The following TSPAN18 variants were observed in gnomAD, a reference collection of about 807,000 sequenced individuals.
TSPAN18 encodes tetraspanin 18.
In TSPAN18, 14 loss-of-function variants were observed where a neutral mutation model predicts 27.3. That is an observed-to-expected ratio of 0.51 (90% CI 0.34 to 0.80). The LOEUF is 0.80. Among genes scored for constraint, TSPAN18 ranks in the 30% least tolerant of loss-of-function variants. The pLI is 0.01. For synonymous variants in TSPAN18, 143 were observed against 136.5 expected (o/e 1.05, Z -0.33); for missense variants, 268 against 323.9 (o/e 0.83, Z 1.32).
intron 2 of TSPAN18, among the ~76,000 whole-genome samples, chr11:44,767,125 G>A (rs1215088003): frequency 1.1e-4 from 16 of 152,140 alleles, no homozygotes; most frequent in Admixed American, 1.0e-3. Context: ...TCTGTGTGAG[G>A]TCTAAAAAAG....
At chr11:44,738,812 G>A (rs868479665) in intron 1 of TSPAN18, among the ~76,000 whole-genome samples, 56 of 152,290 alleles carry the variant, frequency 3.7e-4, no homozygotes, top group African/African-American at 1.3e-3. Context: ...CAATTTAGCC[G>A]GTAACATCTT....
intron 2 of TSPAN18, among the ~76,000 whole-genome samples, chr11:44,842,776 A>G (rs76520606): frequency 0.013 from 1,965 of 152,320 alleles, 21 homozygotes; most frequent in Middle Eastern, 0.02. Flanking sequence ...TATAAACAGT[A>G]AAATGTATAA....
At chr11:44,841,998 CCCACCTTTT>C (rs1210233640) in intron 2 of TSPAN18, among the ~76,000 whole-genome samples, 1 of 152,202 alleles carries the variant, frequency 6.6e-6, no homozygotes, top group Non-Finnish European at 1.5e-5. Context: ...TCTGATCTAG[CCCACCTTTT>C]CATTGTGCAG....
intron 2 of TSPAN18, among the ~76,000 whole-genome samples, chr11:44,832,284 C>G (rs1857170636): frequency 6.6e-6 from 1 of 152,150 alleles, no homozygotes; most frequent in African/African-American, 2.4e-5. Context: ...CTGCATCTTA[C>G]CAAGGCCTAT....
At chr11:44,777,185 T>C (rs574829371) in intron 2 of TSPAN18, among the ~76,000 whole-genome samples, 5 of 152,322 alleles carry the variant, frequency 3.3e-5, no homozygotes, top group South Asian at 2.1e-4. Flanking sequence ...TTGGGAACTT[T>C]TGTGCTCCCC....
At chr11:44,787,001 A>T (rs1176887372) in intron 2 of TSPAN18, among the ~76,000 whole-genome samples, 2 of 152,090 alleles carry the variant, frequency 1.3e-5, no homozygotes, top group African/African-American at 4.8e-5. Context: ...TTAGGAAGGC[A>T]AACTGCTCTG....
chr11:44,879,954 G>GCT (rs1450941080), intron 3 of TSPAN18, among the ~76,000 whole-genome samples: 7 of 152,224 alleles, frequency 4.6e-5, no homozygotes, highest in African/African-American at 1.7e-4. Flanking sequence ...TCCTCTCCCA[G>GCT]CTCTCTCTCC....
intron 1 of TSPAN18, among the ~76,000 whole-genome samples, chr11:44,740,527 G>A (rs1321606632): frequency 6.6e-6 from 1 of 152,124 alleles, no homozygotes; most frequent in African/African-American, 2.4e-5. Flanking sequence ...TTTCCCTGGG[G>A]GACTCTGCAC....
At chr11:44,847,795 A>G (rs1857514983) in intron 2 of TSPAN18, among the ~76,000 whole-genome samples, 2 of 152,036 alleles carry the variant, frequency 1.3e-5, no homozygotes, top group Admixed American at 1.3e-4. Context: ...TGAAGATTAA[A>G]TGAAGTGCCC....
intron 3 of TSPAN18, among the ~76,000 whole-genome samples, chr11:44,878,346 C>G (rs1392351451): frequency 6.6e-6 from 1 of 152,204 alleles, no homozygotes; most frequent in Non-Finnish European, 1.5e-5. Flanking sequence ...CCTCTGGACG[C>G]TGTAGAGATA....
In TSPAN18 at chr11:44,727,001, G is replaced by C. The variant is rs1364408266; in HGVS notation, c.-526G>C. On this transcript the variant is annotated 5_prime_UTR_variant, in exon 1 of 10. Transcript: ENST00000520358. ...TCGCGGGGCTCCAGGCTGCGGGGCG[G>C]ACGTAGCGCCGAGCGATCCACCGCG... The C allele has an allele frequency of 7.0e-6, 1 of 142,224 alleles. No individual in the cohort carries two copies. The highest frequency in any genetic ancestry group is 1.6e-5 in the Non-Finnish European group (1 of 63,330). The allele number at this position is 142,224 out of a possible 1,614,324, so 8.8% of individuals were successfully genotyped here.
At chr11:44,859,034 T>C (rs1208041100) in intron 2 of TSPAN18, among the ~76,000 whole-genome samples, 1 of 152,190 alleles carries the variant, frequency 6.6e-6, no homozygotes. Context: ...AGAGCGCTAA[T>C]GACATTTGCA....
rs1243917536 is a variant in TSPAN18 at position 44,929,801 on chromosome 11, G to A, written c.*623G>A. 3 of 153,160 alleles carry A rather than the reference G, an allele frequency of 2.0e-5. No individual in the cohort carries two copies. The highest frequency in any genetic ancestry group is 4.4e-5 in the Non-Finnish European group (3 of 68,812). 9.5% of individuals were successfully genotyped at this position (153,160 alleles called of 1,614,324 possible). A position where few individuals can be genotyped will look rare whatever the true frequency, so the allele number is the denominator to read the frequency against. ...TGGACCAAATAATCTCAAAGGCCCA[G>A]AGAGGACAGTGACCATCCACAGACA... On this transcript the variant is annotated 3_prime_UTR_variant, in exon 10 of 10. Transcript: ENST00000520358.
chr11:44,779,058 T>C (rs1261080868), intron 2 of TSPAN18, among the ~76,000 whole-genome samples: 1 of 152,120 alleles, frequency 6.6e-6, no homozygotes, highest in African/African-American at 2.4e-5. Context: ...CTGTGGCCAC[T>C]GGGGATCCTG....
intron 2 of TSPAN18, among the ~76,000 whole-genome samples, chr11:44,787,706 G>C (rs763015411): frequency 2.6e-5 from 4 of 152,214 alleles, no homozygotes; most frequent in Admixed American, 2.6e-4. Flanking sequence ...AATAGATATC[G>C]GCAGATGTGA....
chr11:44,783,564 A>T (rs1343681980), intron 2 of TSPAN18, among the ~76,000 whole-genome samples: 1 of 151,512 alleles, frequency 6.6e-6, no homozygotes, highest in Non-Finnish European at 1.5e-5. Context: ...ACGCCCGGCT[A>T]ATTTTTGTAT....
At chr11:44,909,653 A>T in intron 4 of TSPAN18, 52 bp from the exon 5 acceptor site, 1 of 1,565,910 alleles carries the variant, frequency 6.4e-7, no homozygotes, top group Non-Finnish European at 8.6e-7. Context: ...AGAAGTGCCT[A>T]ACCTCCCTTT....
In TSPAN18 at chr11:44,931,175, G is replaced by GTAGAAGCTGAGC. The variant is rs1860548053; in HGVS notation, c.*1998_*1999insAGAAGCTGAGCT. On this transcript the variant is annotated 3_prime_UTR_variant, in exon 10 of 10. Transcript: ENST00000520358. Reference sequence around the variant, plus strand: ...GGCAACCCCATAAATGACACCTGAGGTCCGTAGAAGCTAAGCTCCTGAGAC... The same window carrying GTAGAAGCTGAGC: ...GGCAACCCCATAAATGACACCTGAGGTAGAAGCTGAGCTCCGTAGAAGCTAAGCTCCTGAGAC... 1 of 347,566 alleles carries GTAGAAGCTGAGC rather than the reference G, an allele frequency of 2.9e-6. No homozygotes were observed. The highest frequency in any genetic ancestry group is 5.7e-6 in the Non-Finnish European group (1 of 175,252). The allele number at this position is 347,566 out of a possible 1,614,324, so 21.5% of individuals were successfully genotyped here. A position where few individuals can be genotyped will look rare whatever the true frequency, so the allele number is the denominator to read the frequency against.
At chr11:44,806,683 G>T (rs1216778767) in intron 2 of TSPAN18, among the ~76,000 whole-genome samples, 1 of 152,208 alleles carries the variant, frequency 6.6e-6, no homozygotes, top group East Asian at 1.9e-4. Context: ...ATAAAAATCT[G>T]TCTAACTCAT....
Sources: gnomAD v4.1 joint callset for allele counts (sites outside exome capture counted in the v4.1 genomes callset) on GRCh38, gnomAD v4.1.1 for gene constraint, MANE v1.5 for transcripts, NCBI Gene and HGNC (gene_info 2026-07-23, HGNC 2026-07-21) for gene names.